The following ACAD10 variants were observed in gnomAD, a reference collection of about 807,000 sequenced individuals.
ACAD10 encodes the protein acyl-CoA dehydrogenase family member 10.
A neutral mutation model predicts 116.8 loss-of-function variants in ACAD10; 112 were observed. The ratio of observed to expected loss-of-function variants is 0.96; its 90% confidence interval spans 0.82 to 1.12. The LOEUF (loss-of-function observed/expected upper bound fraction) is 1.12. ACAD10 is among the 50% of genes most tolerant of loss of function. The probability of loss-of-function intolerance (pLI) is 0.00; values close to 1 mark genes in which losing one functional copy is unlikely to be tolerated. For missense variants in ACAD10, 1,259 were observed against 1,350.2 expected (o/e 0.93, Z 1.06); for synonymous variants, 486 against 510.6 (o/e 0.95, Z 0.65).
chr12:111,716,964 A>G (rs973142906), intron 7 of ACAD10, among the ~76,000 whole-genome samples: 1 of 152,242 alleles, frequency 6.6e-6, no homozygotes, highest in Non-Finnish European at 1.5e-5. Context: ...CAATGACAGT[A>G]ATAGTAATAG....
intron 12 of ACAD10, among the ~76,000 whole-genome samples, chr12:111,742,419 A>G (rs1350100855): frequency 1.3e-5 from 2 of 152,196 alleles, no homozygotes; most frequent in Non-Finnish European, 2.9e-5. Context: ...GGTTAGGTTC[A>G]TACCTAGCAC....
chr12:111,746,391 CTT>C (rs35354983), intron 14 of ACAD10, 107 bp downstream of exon 14: 3,061 of 999,164 alleles, frequency 3.1e-3, no homozygotes, highest in South Asian at 4.6e-3. Flanking sequence ...TGAACTTGAA[CTT>C]TTTTTTTTTT....
rs368642732 is a variant in ACAD10 at position 111,729,920 on chromosome 12, G to A, written c.1358G>A (p.Arg453His). ...GAATGGCTGCCCCTCCATCTTCCCC[G>A]TCAGCAGAGGACCACAGTGGTGCAC... ...LIEWLPLHLP[R>H]QQRTTVVHGD... Residue 453 changes from arginine to histidine, a missense_variant, in exon 10 of 21, where the codon CGT becomes CAT. Arg to His is a conservative substitution (Grantham distance 29, BLOSUM62 0). Transcript: ENST00000313698. The A allele has an allele frequency of 1.0e-4, 167 of 1,614,086 alleles. No individual in the cohort carries two copies. Among genetic ancestry groups the A allele is most frequent in the South Asian group, 9.6e-4 (87 of 91,068 alleles).
intron 7 of ACAD10, among the ~76,000 whole-genome samples, chr12:111,717,950 T>C (rs2135962650): frequency 6.6e-6 from 1 of 152,140 alleles, no homozygotes; most frequent in Non-Finnish European, 1.5e-5. Flanking sequence ...CTAAGGAGTC[T>C]GTTCATATCA....
intron 1 of ACAD10, among the ~76,000 whole-genome samples, chr12:111,691,761 AT>A: frequency 6.6e-6 from 1 of 151,414 alleles, no homozygotes; most frequent in South Asian, 2.1e-4. Flanking sequence ...TGCCCAGGTT[AT>A]TTTTGTGTTT....
intron 17 of ACAD10, chr12:111,748,960 G>A: frequency 6.5e-7 from 1 of 1,531,456 alleles, no homozygotes; most frequent in Non-Finnish European, 8.9e-7. Flanking sequence ...AGGAATCACA[G>A]AATAGTCATT....
In ACAD10 at chr12:111,721,671, G is replaced by A. The variant is rs778771340; in HGVS notation, c.993G>A (p.Arg331=). The stretch of plus-strand genomic sequence containing the variant: ...TGTTTATTTTCATTTGTCCTTGCAG[G>A]ATTATGAAAGCCCTTGCAAATGCTG... ...PSAHAIEREF[R]IMKALANAGV... Residue 331 remains arginine, a splice_region_variant and synonymous_variant, in exon 8 of 21, where the codon AGG becomes AGA. Transcript: ENST00000313698. 3 of 1,599,856 alleles carry A rather than the reference G, an allele frequency of 1.9e-6. No individual in the cohort carries two copies. The highest frequency in any genetic ancestry group is 1.7e-5 in the Admixed American group (1 of 59,404).
chr12:111,749,142 A>G (rs772330535), intron 17 of ACAD10, 31 bp from the exon 18 acceptor site: 18 of 1,613,498 alleles, frequency 1.1e-5, no homozygotes, highest in African/African-American at 1.1e-4. Context: ...GACTATGGCT[A>G]TTGCTCACAG....
Position 111,728,092 on chromosome 12 carries a change from A to G in ACAD10, c.1192A>G (p.Ile398Val), listed in dbSNP as rs758721322. 4 of 1,613,582 alleles carry G rather than the reference A, an allele frequency of 2.5e-6. No homozygotes were observed. In the African/African-American group the frequency reaches 5.3e-5, roughly 22 times the overall value. Residue 398 changes from isoleucine (I) to valine (V), a missense_variant, in exon 9 of 21, where the codon ATT becomes GTT. Coordinates refer to ENST00000313698, the MANE Select transcript of ACAD10 (RefSeq NM_025247.6). ...YTAMNTVLCKIHSVDLQAVGL... is the reference protein window; with the variant it reads ...YTAMNTVLCKVHSVDLQAVGL... ...TGCCATGAACACAGTCCTGTGCAAAATTCACAGTGTGGATCTGCAGGCTGT... is the reference window on the plus strand; with the variant it reads ...TGCCATGAACACAGTCCTGTGCAAAGTTCACAGTGTGGATCTGCAGGCTGT...
At chr12:111,738,440 C>G (rs1419934105) in intron 12 of ACAD10, among the ~76,000 whole-genome samples, 2 of 137,004 alleles carry the variant, frequency 1.5e-5, no homozygotes, top group African/African-American at 5.6e-5. Flanking sequence ...GAATGAGACT[C>G]TGTCTCAAAA....
At chr12:111,722,940 C>T (rs1274391739) in intron 8 of ACAD10, among the ~76,000 whole-genome samples, 5 of 151,850 alleles carry the variant, frequency 3.3e-5, no homozygotes, top group East Asian at 2.0e-4. Flanking sequence ...CAGAGGGGCT[C>T]CTCACTTCCC....
At chr12:111,717,443 T>A (rs1176547751) in intron 7 of ACAD10, among the ~76,000 whole-genome samples, 2 of 152,174 alleles carry the variant, frequency 1.3e-5, no homozygotes, top group Non-Finnish European at 2.9e-5. Context: ...CTGTGAGATT[T>A]CATAGCTCAC....
At chr12:111,752,383 C>G (rs1339685474) in intron 18 of ACAD10, among the ~76,000 whole-genome samples, 1 of 151,604 alleles carries the variant, frequency 6.6e-6, no homozygotes, top group Non-Finnish European at 1.5e-5. Context: ...GCAGGCAGAT[C>G]ACCTGAGGTC....
chr12:111,693,011 C>T, intron 2 of ACAD10, 115 bp downstream of exon 2: 1 of 1,218,998 alleles, frequency 8.2e-7, no homozygotes, highest in South Asian at 1.5e-5. Context: ...GCAGGCCATG[C>T]TCTGGCTCTC....
chr12:111,746,715 G>C (rs1644149956), intron 14 of ACAD10, among the ~76,000 whole-genome samples: 1 of 151,812 alleles, frequency 6.6e-6, no homozygotes, highest in African/African-American at 2.4e-5. Context: ...ATTAATGTGA[G>C]AAGGCCAGGC....
At chr12:111,733,685 A>G (rs1889466656) in intron 10 of ACAD10, 1 of 554,738 alleles carries the variant, frequency 1.8e-6, no homozygotes, top group African/African-American at 1.9e-5. Context: ...GCAGAGAAGG[A>G]GCTGGGGAAA....
intron 2 of ACAD10, among the ~76,000 whole-genome samples, chr12:111,699,147 A>G (rs1421658232): frequency 6.6e-6 from 1 of 152,186 alleles, no homozygotes. Flanking sequence ...TGCCTCCCAA[A>G]GTGCTGGGAT....
At chr12:111,708,445 C>T (rs1268371198) in intron 4 of ACAD10, among the ~76,000 whole-genome samples, 2 of 151,914 alleles carry the variant, frequency 1.3e-5, no homozygotes, top group Non-Finnish European at 2.9e-5. Context: ...TCACTATTGA[C>T]GTTTTCTTTA....
At chr12:111,737,667 C>T (rs1303592652) in intron 12 of ACAD10, among the ~76,000 whole-genome samples, 1 of 152,064 alleles carries the variant, frequency 6.6e-6, no homozygotes, top group Non-Finnish European at 1.5e-5. Context: ...TTCCTGGGCC[C>T]TCCAGTTTTT....
Sources: gnomAD v4.1 joint callset for allele counts (sites outside exome capture counted in the v4.1 genomes callset) on GRCh38, gnomAD v4.1.1 for gene constraint, MANE v1.5 for transcripts, NCBI Gene and HGNC (gene_info 2026-07-23, HGNC 2026-07-21) for gene names.